The following PGAP1 variants were observed in gnomAD, a reference collection of about 807,000 sequenced individuals.
PGAP1 encodes post-GPI attachment to proteins inositol deacylase 1, also known as GPI inositol-deacylase.
PGAP1 carries 76 observed loss-of-function variants against 127.0 expected under a neutral mutation model. The ratio of observed to expected loss-of-function variants is 0.60; its 90% CI spans 0.50 to 0.72. The LOEUF (loss-of-function observed/expected upper bound fraction) is 0.72, where lower values mean the gene tolerates loss of function less well. Among genes scored for constraint, PGAP1 ranks in the 30% least tolerant of loss-of-function variants. The probability of loss-of-function intolerance (pLI) is 0.00; values close to 1 mark genes in which losing one functional copy is unlikely to be tolerated. For synonymous variants in PGAP1, 362 were observed against 366.5 expected, an observed-to-expected ratio of 0.99 and a Z score of 0.14; for missense variants, 982 against 1,071.3, an observed-to-expected ratio of 0.92 and a Z score of 1.16.
At chr2:196,885,764 C>T in intron 11 of PGAP1, 70 bp downstream of exon 11, 1 of 962,600 alleles carries the variant, frequency 1.0e-6, no homozygotes, top group Non-Finnish European at 1.4e-6. Context: ...ATGTATGAAA[C>T]TATTCTAAAA....
rs1381764442 is a variant in PGAP1 at position 196,840,442 on chromosome 2, A to G, written c.*792T>C. On this transcript the variant is annotated 3_prime_UTR_variant, in exon 27 of 27. Coordinates refer to ENST00000354764, the MANE Select transcript of PGAP1 (RefSeq NM_024989.4). The stretch of plus-strand genomic sequence containing the variant: ...AATTGAATCCAATGGTATAAACTAA[A>G]CAACTGAACTGCTCCAATACCAGGA... The G allele has an allele frequency of 6.6e-6, 1 of 152,164 alleles. No homozygotes were observed. The highest frequency in any genetic ancestry group is 2.4e-5 in the African/African-American group (1 of 41,448). The allele number at this position is 152,164 out of a possible 1,614,324, so 9.4% of individuals were successfully genotyped here. A position where few individuals can be genotyped will look rare whatever the true frequency, so the allele number is the denominator to read the frequency against.
intron 3 of PGAP1, among the ~76,000 whole-genome samples, chr2:196,914,395 T>A (rs1702932933): frequency 6.6e-6 from 1 of 152,058 alleles, no homozygotes; most frequent in Non-Finnish European, 1.5e-5. Flanking sequence ...CCAAGGTAGG[T>A]GGATCACTTC....
intron 4 of PGAP1, among the ~76,000 whole-genome samples, chr2:196,905,737 T>A (rs909566417): frequency 4.1e-5 from 6 of 146,540 alleles, no homozygotes; most frequent in African/African-American, 7.6e-5. Flanking sequence ...CAGGCCAGTG[T>A]GTGCGCGCAC....
At chr2:196,842,039 C>A in intron 26 of PGAP1, among the ~76,000 whole-genome samples, 1 of 149,828 alleles carries the variant, frequency 6.7e-6, no homozygotes. Flanking sequence ...TTTATTTTAA[C>A]CCTACTTATA....
intron 7 of PGAP1, among the ~76,000 whole-genome samples, chr2:196,895,564 C>G (rs1446711206): frequency 3.9e-5 from 6 of 152,274 alleles, no homozygotes; most frequent in Middle Eastern, 3.4e-3. Flanking sequence ...CTTGGTGAAG[C>G]TTGTTTAAAT....
At chr2:196,925,818 A>G (rs774220664) in intron 1 of PGAP1, among the ~76,000 whole-genome samples, 16 of 152,122 alleles carry the variant, frequency 1.1e-4, no homozygotes, top group Non-Finnish European at 1.5e-4. Context: ...CGGCCCCTTA[A>G]CCTGCAAAAT....
Position 196,875,774 on chromosome 2 carries a change from C to T in PGAP1, c.1398G>A (p.Gln466=), listed in dbSNP as rs1701547813. 1 of 1,542,212 alleles carries T rather than the reference C, an allele frequency of 6.5e-7. No individual in the cohort carries two copies. Among genetic ancestry groups the T allele is most frequent in the South Asian group, 1.1e-5 (1 of 88,086 alleles). Residue 466 remains glutamine, a synonymous_variant, in exon 14 of 27, where the codon CAG becomes CAA. Transcript: ENST00000354764. ...AGGAAAAAAGATGAGTTACAGGAAGCTGTATGTATCTTTTCTCTTTTTTAA... is the reference window on the plus strand; with the variant it reads ...AGGAAAAAAGATGAGTTACAGGAAGTTGTATGTATCTTTTCTCTTTTTTAA... ...EFFKKEKRYI[Q]LPVTHLFSFG...
chr2:196,877,845 G>A (rs1701613208), intron 13 of PGAP1, among the ~76,000 whole-genome samples: 1 of 152,078 alleles, frequency 6.6e-6, no homozygotes, highest in Non-Finnish European at 1.5e-5. Context: ...ATGCAAAGTA[G>A]AATAAAACCT....
chr2:196,870,213 C>A (rs936617482), intron 19 of PGAP1, among the ~76,000 whole-genome samples: 2 of 152,066 alleles, frequency 1.3e-5, no homozygotes, highest in South Asian at 2.1e-4. Flanking sequence ...TGAAAACATT[C>A]ATTTATATGG....
chr2:196,864,455 A>T (rs1004641667), intron 20 of PGAP1, among the ~76,000 whole-genome samples: 1 of 144,904 alleles, frequency 6.9e-6, no homozygotes, highest in African/African-American at 2.5e-5. Context: ...TAATTTTTTG[A>T]TGTGTATTAT....
rs548680168 is a variant in PGAP1, at chr2:196,847,783, T to C, written c.1952+164A>G. The C allele has an allele frequency of 7.9e-5, 38 of 479,148 alleles. No individual in the cohort carries two copies. The South Asian group carries it at 1.1e-3, about 14-fold the overall frequency. 29.7% of individuals were successfully genotyped at this position (479,148 alleles called of 1,614,324 possible). A position where few individuals can be genotyped will look rare whatever the true frequency, so the allele number is the denominator to read the frequency against. On this transcript the variant is annotated intron_variant, in intron 21 of 26. Transcript: ENST00000354764. ...TGAAATGATACTATTGAAGTAGACA[T>C]TGATATACTTATTAGACCTTTGCCT...
rs1700145680 is a variant in PGAP1 at position 196,833,327 on chromosome 2, G to C, written c.*7907C>G. The C allele has an allele frequency of 6.6e-6, 1 of 152,114 alleles. No homozygotes were observed. Among genetic ancestry groups the C allele is most frequent in the South Asian group, 2.1e-4 (1 of 4,824 alleles). 9.4% of individuals were successfully genotyped at this position (152,114 alleles called of 1,614,324 possible). A position where few individuals can be genotyped will look rare whatever the true frequency, so the allele number is the denominator to read the frequency against. ...GTACAAAGTACTGGAGATCATGCAT[G>C]TTTAAATGGAAAGATCAGCAAGGTG... On this transcript the variant is annotated 3_prime_UTR_variant, in exon 27 of 27. Coordinates refer to ENST00000354764, the MANE Select transcript of PGAP1 (RefSeq NM_024989.4).
chr2:196,873,803 T>C, intron 14 of PGAP1, 45 bp from the exon 15 acceptor site: 3 of 1,291,608 alleles, frequency 2.3e-6, no homozygotes, highest in Non-Finnish European at 3.4e-6. Context: ...TCAAGGAAGT[T>C]TTTAAAAACA....
chr2:196,911,357 C>CA (rs1702802545), intron 4 of PGAP1, among the ~76,000 whole-genome samples: 1 of 33,816 alleles, frequency 3.0e-5, no homozygotes, highest in Non-Finnish European at 5.8e-5. Context: ...ATCGCAAGAA[C>CA]AAAAAACCAA....
At position 196,902,600 on chromosome 2, in the gene PGAP1, A is replaced by G. The variant is rs1702533765; in HGVS notation, c.792T>C (p.Ser264=). Residue 264 remains serine (S), a synonymous_variant, in exon 5 of 27, where the codon AGT becomes AGC. Coordinates refer to ENST00000354764, the MANE Select transcript of PGAP1 (RefSeq NM_024989.4). ...TFLPKLSHHT[S]ALSVVSSAVP... ...AAAAGATTACCACAACAGATAAGGC[A>G]CTGGTATGATGGCTTAATTTTGGTA... 1 of 1,611,426 alleles carries G rather than the reference A, an allele frequency of 6.2e-7. No homozygotes were observed. The highest frequency in any genetic ancestry group is 2.2e-5 in the East Asian group (1 of 44,844).
chr2:196,855,425 A>C (rs1307582399), intron 20 of PGAP1, among the ~76,000 whole-genome samples: 1 of 152,088 alleles, frequency 6.6e-6, no homozygotes, highest in Non-Finnish European at 1.5e-5. Context: ...GCACTCTTAA[A>C]CACAGATTTC....
At chr2:196,913,131 A>G (rs1702888414) in intron 3 of PGAP1, 78 bp from the exon 4 acceptor site, 2 of 1,322,288 alleles carry the variant, frequency 1.5e-6, no homozygotes, top group East Asian at 2.4e-5. Flanking sequence ...TCTGCATATG[A>G]CCAATTTTAT....
chr2:196,846,973 T>A (rs760746716), intron 22 of PGAP1, 30 bp downstream of exon 22: 1 of 1,534,762 alleles, frequency 6.5e-7, no homozygotes, highest in Non-Finnish European at 8.9e-7. Context: ...CTTAAAGCAA[T>A]AAGAAAGCTG....
chr2:196,849,408 C>T (rs1700653378), intron 20 of PGAP1, among the ~76,000 whole-genome samples: 1 of 151,424 alleles, frequency 6.6e-6, no homozygotes, highest in South Asian at 2.1e-4. Context: ...GGACTACAGG[C>T]ACGTGCCACC....
Sources: allele counts gnomAD v4.1 joint callset (sites outside exome capture counted in the v4.1 genomes callset), GRCh38; gene constraint gnomAD v4.1.1; transcripts MANE v1.5; gene names NCBI Gene and HGNC (gene_info 2026-07-23, HGNC 2026-07-21).